Variants in CACNA2D3 observed in about 807,000 individuals in gnomAD.
CACNA2D3 encodes the protein voltage-dependent calcium channel subunit alpha-2/delta-3.
In CACNA2D3, 60 loss-of-function variants were observed where a neutral mutation model predicts 160.6. The observed-to-expected ratio is 0.37, with a 90% CI of 0.30 to 0.46. The LOEUF (loss-of-function observed/expected upper bound fraction) is 0.46, where lower values mean the gene tolerates loss of function less well. Among genes scored for constraint, CACNA2D3 ranks in the 20% least tolerant of loss-of-function variants. The pLI, the probability that CACNA2D3 is intolerant of heterozygous loss-of-function variation, is 1.00. For synonymous variants in CACNA2D3, 558 were observed against 492.9 expected (o/e 1.13, Z -1.75); for missense variants, 1,205 against 1,365.0 (o/e 0.88, Z 1.85).
At chr3:54,440,198 A>G (rs576963604) in intron 4 of CACNA2D3, among the ~76,000 whole-genome samples, 6 of 152,266 alleles carry the variant, frequency 3.9e-5, no homozygotes, top group Admixed American at 1.3e-4. Context: ...GAATGGTTAT[A>G]CCTACCTTAA....
chr3:54,897,063 T>C (rs780392946), intron 26 of CACNA2D3, 193 bp downstream of exon 26: 3 of 554,540 alleles, frequency 5.4e-6, no homozygotes, highest in African/African-American at 3.8e-5. Context: ...AAAAGGAAGG[T>C]TTTTCCTTTA....
At chr3:54,188,374 G>C (rs567973118) in intron 2 of CACNA2D3, among the ~76,000 whole-genome samples, 22 of 152,316 alleles carry the variant, frequency 1.4e-4, no homozygotes, top group African/African-American at 4.8e-4. Context: ...CATGCAACCT[G>C]TCCAGCTTCA....
At chr3:54,278,926 A>C (rs999512809) in intron 2 of CACNA2D3, among the ~76,000 whole-genome samples, 4 of 152,192 alleles carry the variant, frequency 2.6e-5, no homozygotes, top group African/African-American at 9.7e-5. Flanking sequence ...TGTCACGTGT[A>C]TACCTATGTA....
intron 14 of CACNA2D3, among the ~76,000 whole-genome samples, chr3:54,825,072 A>T (rs1575497601): frequency 6.6e-6 from 1 of 152,188 alleles, no homozygotes; most frequent in African/African-American, 2.4e-5. Context: ...TATTTAAATC[A>T]AGCACAGTTA....
At chr3:54,809,875 A>G (rs1375760844) in intron 13 of CACNA2D3, among the ~76,000 whole-genome samples, 1 of 152,194 alleles carries the variant, frequency 6.6e-6, no homozygotes, top group Non-Finnish European at 1.5e-5. Context: ...TACAACAGTG[A>G]ATAAGATAGA....
At chr3:54,888,280 T>A (rs1305430229) in intron 24 of CACNA2D3, among the ~76,000 whole-genome samples, 1 of 152,136 alleles carries the variant, frequency 6.6e-6, no homozygotes, top group Non-Finnish European at 1.5e-5. Context: ...TACATGAAAT[T>A]TGGTACGCTG....
At chr3:54,479,695 A>G (rs543727371) in intron 4 of CACNA2D3, among the ~76,000 whole-genome samples, 90 of 152,312 alleles carry the variant, frequency 5.9e-4, no homozygotes, top group African/African-American at 2.1e-3. Flanking sequence ...AGCCATAGAA[A>G]TGTCATGACA....
intron 9 of CACNA2D3, 37 bp from the exon 10 acceptor site, chr3:54,627,750 G>T: frequency 7.4e-7 from 1 of 1,356,404 alleles, no homozygotes; most frequent in African/African-American, 1.4e-5. Flanking sequence ...CACATAACAG[G>T]ACAGACACTA....
intron 2 of CACNA2D3, among the ~76,000 whole-genome samples, chr3:54,249,458 A>C (rs1415682800): frequency 6.6e-6 from 1 of 151,972 alleles, no homozygotes; most frequent in East Asian, 1.9e-4. Context: ...TGTCTGCACC[A>C]GTGGCTCTCC....
intron 17 of CACNA2D3, among the ~76,000 whole-genome samples, chr3:54,847,563 C>G (rs778163305): frequency 2.6e-5 from 4 of 152,202 alleles, no homozygotes; most frequent in Non-Finnish European, 4.4e-5. Flanking sequence ...TGCAACTTTG[C>G]TCTAATCGCC....
At chr3:54,260,079 T>A (rs1702375263) in intron 2 of CACNA2D3, among the ~76,000 whole-genome samples, 1 of 152,230 alleles carries the variant, frequency 6.6e-6, no homozygotes, top group Admixed American at 6.5e-5. Context: ...ATTAGCCACT[T>A]GAACCATTTG....
chr3:54,991,759 C>T (rs1238637833), intron 31 of CACNA2D3, among the ~76,000 whole-genome samples: 1 of 152,122 alleles, frequency 6.6e-6, no homozygotes, highest in African/African-American at 2.4e-5. Context: ...TGGACGGTGT[C>T]GTCAGCCTCT....
intron 2 of CACNA2D3, among the ~76,000 whole-genome samples, chr3:54,214,545 G>A (rs1435827120): frequency 6.6e-6 from 1 of 152,192 alleles, no homozygotes; most frequent in Non-Finnish European, 1.5e-5. Flanking sequence ...TTTATCTCCT[G>A]TGGTCCTCAT....
chr3:54,409,400 C>T (rs1161348287), intron 4 of CACNA2D3, among the ~76,000 whole-genome samples: 1 of 152,132 alleles, frequency 6.6e-6, no homozygotes, highest in East Asian at 1.9e-4. Context: ...CCAGCCATTC[C>T]CTCATCTCTC....
chr3:54,675,679 T>C (rs918787702), intron 11 of CACNA2D3, among the ~76,000 whole-genome samples: 1 of 152,070 alleles, frequency 6.6e-6, no homozygotes, highest in Non-Finnish European at 1.5e-5. Context: ...CATATTTCAG[T>C]CTTGTAAATG....
chr3:54,816,901 C>A, intron 14 of CACNA2D3, 31 bp downstream of exon 14: 1 of 1,612,688 alleles, frequency 6.2e-7, no homozygotes, highest in Non-Finnish European at 8.5e-7. Context: ...TTCCAGTCAC[C>A]CCCAGAACTC....
chr3:54,666,811 C>G (rs533739057), intron 11 of CACNA2D3, among the ~76,000 whole-genome samples: 1 of 152,146 alleles, frequency 6.6e-6, no homozygotes, highest in Non-Finnish European at 1.5e-5. Flanking sequence ...CCTGGTAGTA[C>G]GAGGGGAACT....
rs117288173 is a variant in CACNA2D3 at position 54,192,630 on chromosome 3, T to C, written c.204+69036T>C. On this transcript the variant is annotated intron_variant, in intron 2 of 37. Transcript: ENST00000474759. ...AAGCAGGGAATGAGCACGAGAGCCA[T>C]GAAGTGGTCTCAGCTCCCTACATGC... 1.8e-3 allele frequency among the ~76,000 whole-genome samples: 280 copies of C among 152,100 alleles called. 3 individuals are homozygous for C. In the East Asian group the frequency reaches 0.021, roughly 12 times the overall value.
At chr3:54,681,502 G>A (rs945925079) in intron 11 of CACNA2D3, among the ~76,000 whole-genome samples, 2 of 149,400 alleles carry the variant, frequency 1.3e-5, no homozygotes, top group Non-Finnish European at 3.0e-5. Flanking sequence ...GTTGTAGTGG[G>A]CCAAGATCGC....
Sources: gnomAD v4.1 joint callset for allele counts (sites outside exome capture counted in the v4.1 genomes callset) on GRCh38, gnomAD v4.1.1 for gene constraint, MANE v1.5 for transcripts, NCBI Gene and HGNC (gene_info 2026-07-23, HGNC 2026-07-21) for gene names.